ELP3: variants seen among roughly 807,000 people sequenced by gnomAD.
The protein encoded by ELP3 is elongator complex protein 3.
ELP3 carries 56 observed loss-of-function variants against 74.9 expected under a neutral mutation model. The ratio of observed to expected loss-of-function variants is 0.75; its 90% confidence interval spans 0.60 to 0.93. The LOEUF is 0.93. Ranked by LOEUF, ELP3 falls within the 40% of genes least tolerant of loss-of-function variation. The pLI, the probability that ELP3 is intolerant of heterozygous loss-of-function variation, is 0.00. For synonymous variants in ELP3, 222 were observed against 239.8 expected, an observed-to-expected ratio of 0.93 and a Z score of 0.68; for missense variants, 573 against 686.5, an observed-to-expected ratio of 0.83 and a Z score of 1.85.
At chr8:28,139,571 A>AT (rs943097728) in intron 10 of ELP3, among the ~76,000 whole-genome samples, 2 of 151,800 alleles carry the variant, frequency 1.3e-5, no homozygotes, top group Admixed American at 6.6e-5. Context: ...ACATGTATAG[A>AT]TTTTTTTTTC....
intron 13 of ELP3, 57 bp downstream of exon 13, chr8:28,160,513 G>A: frequency 6.8e-7 from 1 of 1,469,186 alleles, no homozygotes; most frequent in East Asian, 2.3e-5. Context: ...TAGGAAAAGA[G>A]AAAAGGAATG....
intron 14 of ELP3, among the ~76,000 whole-genome samples, chr8:28,162,565 T>C (rs1220374087): frequency 6.6e-6 from 1 of 152,196 alleles, no homozygotes; most frequent in African/African-American, 2.4e-5. Flanking sequence ...TTCCCCTGTT[T>C]GGGAGTAAAA....
intron 7 of ELP3, among the ~76,000 whole-genome samples, chr8:28,119,786 G>A (rs949082108): frequency 4.6e-5 from 7 of 151,512 alleles, no homozygotes; most frequent in African/African-American, 1.2e-4. Context: ...AGAGGCAGCC[G>A]TTCTTCTGAT....
At chr8:28,094,370 G>C (rs1811169099) in intron 1 of ELP3, among the ~76,000 whole-genome samples, 1 of 152,322 alleles carries the variant, frequency 6.6e-6, no homozygotes, top group South Asian at 2.1e-4. Context: ...GAATGGTTTT[G>C]TGAAATTTGG....
chr8:28,144,635 T>C (rs1813363499), intron 10 of ELP3, among the ~76,000 whole-genome samples: 1 of 152,102 alleles, frequency 6.6e-6, no homozygotes, highest in Non-Finnish European at 1.5e-5. Flanking sequence ...ACAAAAACCC[T>C]GAAATTCCAT....
chr8:28,177,426 C>T (rs1814803754), intron 14 of ELP3, among the ~76,000 whole-genome samples: 1 of 152,188 alleles, frequency 6.6e-6, no homozygotes, highest in Admixed American at 6.5e-5. Context: ...GTGAATGAAA[C>T]TAATGAATAT....
At chr8:28,123,039 G>A (rs1051323784) in intron 7 of ELP3, among the ~76,000 whole-genome samples, 8 of 152,168 alleles carry the variant, frequency 5.3e-5, no homozygotes, top group African/African-American at 1.7e-4. Context: ...CAGGAGAATC[G>A]CTTGAACCTG....
rs1426078039 is a variant in ELP3, at chr8:28,147,768, T to G, written c.1101-8174T>G. Among the ~76,000 whole-genome samples, 1 of 152,014 alleles carries G rather than the reference T, an allele frequency of 6.6e-6. No homozygotes were observed. The highest frequency in any genetic ancestry group is 1.5e-5 in the Non-Finnish European group (1 of 68,004). On this transcript the variant is annotated intron_variant, in intron 10 of 14. Transcript: ENST00000256398. This position sits in a 1 kb window ranked among gnomAD's most constrained non-coding sequence, Gnocchi z 4.5. ...TATAGTTTCTAAAGCCACTCTCCAC[T>G]AAAAGAAATCAGTGCTTAGAAAAAT...
At chr8:28,152,144 C>T (rs772223804) in intron 10 of ELP3, among the ~76,000 whole-genome samples, 15 of 152,158 alleles carry the variant, frequency 9.9e-5, no homozygotes, top group African/African-American at 1.9e-4. Context: ...TCTCCAGCCC[C>T]GGGGCAGTAG....
chr8:28,139,783 A>G (rs1050950651), intron 10 of ELP3, among the ~76,000 whole-genome samples: 2 of 152,140 alleles, frequency 1.3e-5, no homozygotes, highest in Admixed American at 6.5e-5. Context: ...TGTCTCTACT[A>G]AAAATACAAA....
At chr8:28,159,216 G>A (rs897386103) in intron 12 of ELP3, among the ~76,000 whole-genome samples, 3 of 152,150 alleles carry the variant, frequency 2.0e-5, no homozygotes, top group Non-Finnish European at 4.4e-5. Flanking sequence ...ATAATGTCTA[G>A]CTGTATGCCA....
intron 8 of ELP3, among the ~76,000 whole-genome samples, chr8:28,130,586 G>A (rs529668942): frequency 2.0e-5 from 3 of 152,308 alleles, no homozygotes. Flanking sequence ...AACCGAATAG[G>A]ATGCTCTTAT....
intron 14 of ELP3, among the ~76,000 whole-genome samples, chr8:28,182,283 G>T (rs576816005): frequency 2.0e-5 from 3 of 152,130 alleles, no homozygotes; most frequent in Non-Finnish European, 4.4e-5. Context: ...GTTTGCGGCC[G>T]GGCACAGTGG....
chr8:28,109,625 G>A (rs1051551457), intron 5 of ELP3, among the ~76,000 whole-genome samples: 1 of 152,124 alleles, frequency 6.6e-6, no homozygotes, highest in Non-Finnish European at 1.5e-5. Context: ...TCTTGAGAGT[G>A]GAACCCGAAT....
At chr8:28,107,108 C>T (rs1811728613) in intron 4 of ELP3, among the ~76,000 whole-genome samples, 3 of 152,210 alleles carry the variant, frequency 2.0e-5, no homozygotes, top group East Asian at 3.9e-4. Context: ...ATTAGCCGAG[C>T]GTGGTGGCAT....
In ELP3 at chr8:28,189,964, T is replaced by A; in HGVS notation, c.*239T>A. ...ATCACTTGCGTTTTTGAGGCTTAAA[T>A]CATCTATCCAGTTTCTACATTTTGC... On this transcript the variant is annotated 3_prime_UTR_variant, in exon 15 of 15. Coordinates refer to ENST00000256398, the MANE Select transcript of ELP3 (RefSeq NM_018091.6). The A allele has an allele frequency of 2.3e-6, 1 of 440,132 alleles. No homozygotes were observed. The highest frequency in any genetic ancestry group is 4.1e-6 in the Non-Finnish European group (1 of 245,222). 27.3% of individuals were successfully genotyped at this position (440,132 alleles called of 1,614,324 possible).
intron 14 of ELP3, among the ~76,000 whole-genome samples, chr8:28,173,503 A>G (rs931372362): frequency 6.6e-6 from 1 of 151,252 alleles, no homozygotes; most frequent in Non-Finnish European, 1.5e-5. Flanking sequence ...AACCCAATCT[A>G]AGGTAAACAT....
chr8:28,144,696 A>G (rs1813365234), intron 10 of ELP3, among the ~76,000 whole-genome samples: 1 of 152,250 alleles, frequency 6.6e-6, no homozygotes. Flanking sequence ...TTTGGTAACT[A>G]GAATTTTGGA....
At chr8:28,140,526 A>G (rs1226518405) in intron 10 of ELP3, among the ~76,000 whole-genome samples, 2 of 152,156 alleles carry the variant, frequency 1.3e-5, no homozygotes, top group African/African-American at 4.8e-5. Flanking sequence ...TTGTGACTCA[A>G]ATCCAATACT....
Sources: gnomAD v4.1 joint callset for allele counts (sites outside exome capture counted in the v4.1 genomes callset) on GRCh38, gnomAD v4.1.1 for gene constraint, Gnocchi (gnomAD v3.1) non-coding constraint, MANE v1.5 for transcripts, NCBI Gene and HGNC (gene_info 2026-07-23, HGNC 2026-07-21) for gene names.